Variants in PPP3CA observed in about 807,000 individuals in gnomAD.
The protein encoded by PPP3CA is CAM-PRP catalytic subunit.
Under a neutral mutation model 66.5 loss-of-function variants are expected in PPP3CA, and 14 were observed. The ratio of observed to expected loss-of-function variants is 0.21; its 90% confidence interval spans 0.14 to 0.33. The LOEUF (loss-of-function observed/expected upper bound fraction) is 0.33, where lower values mean the gene tolerates loss of function less well. Ranked by LOEUF, PPP3CA falls within the 10% of genes least tolerant of loss-of-function variation. The pLI is 1.00. For synonymous variants in PPP3CA, 232 were observed against 226.2 expected, an observed-to-expected ratio of 1.03 and a Z score of -0.23; for missense variants, 317 against 639.5, an observed-to-expected ratio of 0.50 and a Z score of 5.44.
At chr4:101,106,446 A>G (rs1207229758) in intron 3 of PPP3CA, among the ~76,000 whole-genome samples, 1 of 11,278 alleles carries the variant, frequency 8.9e-5, no homozygotes, top group South Asian at 8.6e-3. Context: ...AGAAAGAAAG[A>G]AAGAAAGAGA....
intron 1 of PPP3CA, among the ~76,000 whole-genome samples, chr4:101,329,495 G>C (rs1729311693): frequency 6.6e-6 from 1 of 152,194 alleles, no homozygotes; most frequent in Non-Finnish European, 1.5e-5. Context: ...CCTTGCTTAA[G>C]ATCATTAATG....
intron 3 of PPP3CA, among the ~76,000 whole-genome samples, chr4:101,106,453 GAGAAAAGAAAAGA>G (rs1161082645): frequency 0.02 from 708 of 35,510 alleles, 156 homozygotes; most frequent in East Asian, 0.062. Context: ...AAGAAAGAAA[GAGAAAAGAAAAGA>G]AAAGAAAAGA....
chr4:101,101,178 A>T (rs185784136), intron 3 of PPP3CA, among the ~76,000 whole-genome samples: 1 of 152,130 alleles, frequency 6.6e-6, no homozygotes, highest in Non-Finnish European at 1.5e-5. Flanking sequence ...ATATGTCTGA[A>T]AAGTTGACCA....
chr4:101,306,735 T>C (rs1407780485), intron 1 of PPP3CA, among the ~76,000 whole-genome samples: 3 of 152,296 alleles, frequency 2.0e-5, no homozygotes, highest in Non-Finnish European at 2.9e-5. Flanking sequence ...AAAGTTGATA[T>C]ATCGAGCATT....
At chr4:101,199,350 A>G (rs1724898892) in intron 1 of PPP3CA, among the ~76,000 whole-genome samples, 2 of 151,286 alleles carry the variant, frequency 1.3e-5, no homozygotes, top group South Asian at 4.1e-4. Context: ...TGAGTCTTAC[A>G]ACAAGTTGCT....
At chr4:101,129,173 G>C (rs1002206950) in intron 2 of PPP3CA, among the ~76,000 whole-genome samples, 3 of 152,158 alleles carry the variant, frequency 2.0e-5, no homozygotes, top group African/African-American at 7.2e-5. Context: ...CAGCAATGAC[G>C]ATGTAGCCAG....
intron 1 of PPP3CA, among the ~76,000 whole-genome samples, chr4:101,286,492 T>C (rs925487287): frequency 6.6e-6 from 1 of 152,212 alleles, no homozygotes; most frequent in Non-Finnish European, 1.5e-5. Flanking sequence ...ACTGAAAAGT[T>C]ACCAAGAAGG....
chr4:101,280,585 C>T (rs934383167), intron 1 of PPP3CA, among the ~76,000 whole-genome samples: 9 of 152,068 alleles, frequency 5.9e-5, no homozygotes, highest in Middle Eastern at 3.4e-3. Context: ...TGTAGGAGGC[C>T]GAGGCGGGTG....
chr4:101,132,068 A>C (rs1360635965), intron 2 of PPP3CA, among the ~76,000 whole-genome samples: 5 of 152,224 alleles, frequency 3.3e-5, no homozygotes, highest in Non-Finnish European at 5.9e-5. Flanking sequence ...GAACAAAGAC[A>C]CAATGTACCA....
chr4:101,216,017 C>G (rs1434507142), intron 1 of PPP3CA, among the ~76,000 whole-genome samples: 1 of 152,102 alleles, frequency 6.6e-6, no homozygotes, highest in Non-Finnish European at 1.5e-5. Flanking sequence ...TATTAAACAA[C>G]TATCTCGCTT....
intron 1 of PPP3CA, among the ~76,000 whole-genome samples, chr4:101,263,835 C>G (rs1045748712): frequency 6.6e-6 from 1 of 152,062 alleles, no homozygotes. Context: ...TACTAAGGTA[C>G]CATTCAAGGG....
At chr4:101,236,337 A>G (rs777440681) in intron 1 of PPP3CA, among the ~76,000 whole-genome samples, 2 of 151,964 alleles carry the variant, frequency 1.3e-5, no homozygotes, top group Non-Finnish European at 2.9e-5. Context: ...GAAAACAGCA[A>G]ATGCAAAGGC....
rs148835337 is a variant in PPP3CA, at chr4:101,291,076, T to C, written c.58+55663A>G. 4.8e-3 allele frequency among the ~76,000 whole-genome samples: 734 copies of C among 152,334 alleles called. 9 individuals carry two copies. The highest frequency in any genetic ancestry group is 0.017 in the African/African-American group (701 of 41,570). ...ACCTAAGAGAGCAAAATAACCAGGA[T>C]TGTTTACATTATTTGATTGTCTGCT... On this transcript the variant is annotated intron_variant, in intron 1 of 13. Transcript: ENST00000394854.
chr4:101,060,864 T>G lies in PPP3CA; in HGVS notation c.1156+223A>C, dbSNP rs539806059. On this transcript the variant is annotated intron_variant, in intron 10 of 13. Transcript: ENST00000394854. ...AGCTACTGAAAGCTTATTAAAACAGTTTACTACTTTAACAATGTTTTTAAA... is the reference window on the plus strand; with the variant it reads ...AGCTACTGAAAGCTTATTAAAACAGGTTACTACTTTAACAATGTTTTTAAA... Among the ~76,000 whole-genome samples the G allele has an allele frequency of 2.1e-4, 32 of 152,258 alleles. No homozygotes were observed. In the East Asian group the frequency reaches 5.6e-3, roughly 27 times the overall value.
intron 1 of PPP3CA, among the ~76,000 whole-genome samples, chr4:101,211,715 T>C (rs891020572): frequency 6.6e-6 from 1 of 152,172 alleles, no homozygotes; most frequent in African/African-American, 2.4e-5. Context: ...CAAAGCTAGC[T>C]GTTCCCTCTC....
chr4:101,283,965 A>G (rs1727760285), intron 1 of PPP3CA, among the ~76,000 whole-genome samples: 1 of 152,216 alleles, frequency 6.6e-6, no homozygotes, highest in African/African-American at 2.4e-5. Context: ...AAAACTAAAT[A>G]AAATGTAAAA....
chr4:101,029,203 G>GA lies in PPP3CA; in HGVS notation c.1340-9dup. On this transcript the variant is annotated splice_polypyrimidine_tract_variant and intron_variant, in intron 12 of 13. Coordinates refer to ENST00000394854, the MANE Select transcript of PPP3CA (RefSeq NM_000944.5). ...CAATAGCCTCAACAGTAGCTGAAGA[G>GA]AAGAAAGGGGGTGCAAAATGAATGA... is the stretch of plus-strand genomic sequence containing the variant. 1 of 1,607,256 alleles carries GA rather than the reference G, an allele frequency of 6.2e-7. No homozygotes were observed. The highest frequency in any genetic ancestry group is 8.5e-7 in the Non-Finnish European group (1 of 1,174,036).
At chr4:101,242,094 A>G (rs1362640334) in intron 1 of PPP3CA, among the ~76,000 whole-genome samples, 1 of 152,118 alleles carries the variant, frequency 6.6e-6, no homozygotes, top group African/African-American at 2.4e-5. Flanking sequence ...CTTGTAATTG[A>G]GCATCTTGTT....
At chr4:101,109,323 AAAAAAAAAG>A (rs1721576722) in intron 2 of PPP3CA, among the ~76,000 whole-genome samples, 1 of 150,840 alleles carries the variant, frequency 6.6e-6, no homozygotes, top group South Asian at 2.1e-4. Flanking sequence ...AAAAAAAAAA[AAAAAAAAAG>A]AAGAGAATAA....
Sources: gnomAD v4.1 joint callset for allele counts (sites outside exome capture counted in the v4.1 genomes callset) on GRCh38, gnomAD v4.1.1 for gene constraint, MANE v1.5 for transcripts, NCBI Gene and HGNC (gene_info 2026-07-23, HGNC 2026-07-21) for gene names.